ATP2B2: variants seen among roughly 807,000 people sequenced by gnomAD.
ATP2B2 encodes plasma membrane calcium-transporting ATPase 2.
In ATP2B2, 15 loss-of-function variants were observed where a neutral mutation model predicts 120.0. The observed-to-expected ratio is 0.12, with a 90% CI of 0.08 to 0.19. The LOEUF (loss-of-function observed/expected upper bound fraction) is 0.19, where lower values mean the gene tolerates loss of function less well. Among genes scored for constraint, ATP2B2 ranks in the 10% least tolerant of loss-of-function variants. The probability of loss-of-function intolerance (pLI) is 1.00; values close to 1 mark genes in which losing one functional copy is unlikely to be tolerated. For synonymous variants in ATP2B2, 694 were observed against 700.3 expected (o/e 0.99, Z 0.14); for missense variants, 1,045 against 1,719.8 (o/e 0.61, Z 6.94).
At chr3:10,339,886 C>A (rs962449826) in intron 21 of ATP2B2, among the ~76,000 whole-genome samples, 1 of 152,192 alleles carries the variant, frequency 6.6e-6, no homozygotes, top group Non-Finnish European at 1.5e-5. Context: ...ATTCTCATTA[C>A]ATTAATGTTT....
At chr3:10,466,095 G>A (rs1274166748) in intron 1 of ATP2B2, among the ~76,000 whole-genome samples, 1 of 152,172 alleles carries the variant, frequency 6.6e-6, no homozygotes, top group African/African-American at 2.4e-5. Context: ...GTTAAGCCCT[G>A]CTTGTGTTTG....
intron 3 of ATP2B2, among the ~76,000 whole-genome samples, chr3:10,407,784 T>C (rs770611192): frequency 6.6e-6 from 1 of 151,986 alleles, no homozygotes; most frequent in Non-Finnish European, 1.5e-5. Flanking sequence ...ACGTGGGGAG[T>C]GACACCTGCT....
chr3:10,592,934 C>T (rs955143913), intron 2 of ATP2B2, among the ~76,000 whole-genome samples: 4 of 152,030 alleles, frequency 2.6e-5, no homozygotes, highest in Non-Finnish European at 5.9e-5. Flanking sequence ...AGGTATGCAC[C>T]ACCACCACGC....
chr3:10,375,843 A>G lies in ATP2B2; in HGVS notation c.1202-199T>C, dbSNP rs999953095. ...CGAGCCTCAGTCTCCTGCTCTGTAC[A>G]ATGGGGATGCATACTTCCTCCCCAA... On this transcript the variant is annotated intron_variant, in intron 10 of 22. Transcript: ENST00000360273. The surrounding 1 kb of genome is among the most constrained non-coding windows in gnomAD (Gnocchi z 4.2). Among the ~76,000 whole-genome samples, 36 of 152,276 alleles carry G rather than the reference A, an allele frequency of 2.4e-4. No individual in the cohort carries two copies. The highest frequency in any genetic ancestry group is 8.2e-4 in the African/African-American group (34 of 41,566).
chr3:10,381,444 T>C (rs2061528233), intron 8 of ATP2B2, among the ~76,000 whole-genome samples: 1 of 152,212 alleles, frequency 6.6e-6, no homozygotes, highest in African/African-American at 2.4e-5. Context: ...TCAGATGCAA[T>C]AGCCGGTGTG....
intron 3 of ATP2B2, among the ~76,000 whole-genome samples, chr3:10,403,266 G>T (rs936808043): frequency 1.3e-5 from 2 of 152,160 alleles, no homozygotes; most frequent in Non-Finnish European, 2.9e-5. Context: ...GGAGTGAGCC[G>T]CCCTCCACAG....
chr3:10,470,158 G>C (rs1306729173), intron 1 of ATP2B2, among the ~76,000 whole-genome samples: 1 of 152,178 alleles, frequency 6.6e-6, no homozygotes, highest in East Asian at 1.9e-4. Flanking sequence ...GGCTGTCTCT[G>C]ACGAGGAGGT....
chr3:10,552,384 T>C (rs532996726), intron 2 of ATP2B2, among the ~76,000 whole-genome samples: 119 of 152,340 alleles, frequency 7.8e-4, no homozygotes, highest in Admixed American at 2.2e-3. Context: ...TTAGAGAAGG[T>C]GGCAGCGTCC....
chr3:10,626,866 AC>A (rs2069717013), intron 1 of ATP2B2: 4 of 88 alleles, frequency 0.045, no homozygotes, highest in Non-Finnish European at 0.13. Context: ...TGGTAGTGAG[AC>A]ACACACACAC....
intron 2 of ATP2B2, among the ~76,000 whole-genome samples, chr3:10,539,416 A>T (rs1241085761): frequency 6.6e-6 from 1 of 152,172 alleles, no homozygotes; most frequent in Non-Finnish European, 1.5e-5. Context: ...CATTTCTAAG[A>T]CAATCCTAAG....
intron 8 of ATP2B2, among the ~76,000 whole-genome samples, chr3:10,382,709 C>A (rs1419396400): frequency 6.6e-6 from 1 of 152,018 alleles, no homozygotes; most frequent in Non-Finnish European, 1.5e-5. Context: ...TCATGTATTA[C>A]ATAGTGACAC....
intron 2 of ATP2B2, among the ~76,000 whole-genome samples, chr3:10,607,046 A>T (rs147519776): frequency 1.3e-5 from 2 of 151,990 alleles, no homozygotes; most frequent in East Asian, 3.9e-4. Context: ...TTGTCTTAAA[A>T]ACATTTAATT....
At chr3:10,624,791 A>G (rs2069649285) in intron 1 of ATP2B2, among the ~76,000 whole-genome samples, 2 of 152,246 alleles carry the variant, frequency 1.3e-5, no homozygotes, top group Admixed American at 6.5e-5. Context: ...CTAAAGAGGA[A>G]AAGCACTTTC....
At chr3:10,564,119 G>A (rs944468109) in intron 2 of ATP2B2, among the ~76,000 whole-genome samples, 1 of 152,196 alleles carries the variant, frequency 6.6e-6, no homozygotes, top group Non-Finnish European at 1.5e-5. Flanking sequence ...TGGCTCTGAG[G>A]CTTAGAATCT....
rs545152280 is a variant in ATP2B2, at chr3:10,342,680, G to T, written c.2917+72C>A. On this transcript the variant is annotated intron_variant, in intron 19 of 22. Transcript: ENST00000360273. The surrounding 1 kb of genome is among the most constrained non-coding windows in gnomAD (Gnocchi z 4.4). The stretch of plus-strand genomic sequence containing the variant: ...GAGGGGGTTGTGACTCGAGAATGCT[G>T]GGTGAGAGCCATGGTGCACCCAGAA... 4.5e-6 allele frequency: 7 copies of T among 1,545,944 alleles called. No homozygotes were observed. In the African/African-American group the frequency reaches 9.5e-5, roughly 21 times the overall value.
intron 1 of ATP2B2, among the ~76,000 whole-genome samples, chr3:10,499,629 G>A (rs536771409): frequency 9.4e-4 from 143 of 152,270 alleles, no homozygotes; most frequent in African/African-American, 3.2e-3. Context: ...CAGAGACAAG[G>A]AACTGTGGCT....
At chr3:10,551,271 G>A (rs2067663619) in intron 2 of ATP2B2, among the ~76,000 whole-genome samples, 1 of 152,240 alleles carries the variant, frequency 6.6e-6, no homozygotes, top group Non-Finnish European at 1.5e-5. Context: ...AGTGAATTCA[G>A]TGGGGGAAAG....
chr3:10,613,864 C>T (rs1186529675), intron 2 of ATP2B2, among the ~76,000 whole-genome samples: 1 of 152,118 alleles, frequency 6.6e-6, no homozygotes. Context: ...ACCTAGCTCT[C>T]TGACCTCACC....
At chr3:10,507,526 G>A (rs772646503), upstream of ATP2B2, among the ~76,000 whole-genome samples, 3 of 152,158 alleles carry the variant, frequency 2.0e-5, no homozygotes, top group African/African-American at 4.8e-5. Context: ...GGGCAAAGAC[G>A]GGCAGAGGCG....
Sources: allele counts gnomAD v4.1 joint callset (sites outside exome capture counted in the v4.1 genomes callset), GRCh38; gene constraint gnomAD v4.1.1; non-coding constraint Gnocchi (gnomAD v3.1); transcripts MANE v1.5; gene names NCBI Gene and HGNC (gene_info 2026-07-23, HGNC 2026-07-21).